ELP3: variants seen among roughly 807,000 people sequenced by gnomAD.
The protein encoded by ELP3 is elongator complex protein 3.
ELP3 carries 56 observed loss-of-function variants against 74.9 expected under a neutral mutation model. The ratio of observed to expected loss-of-function variants is 0.75; its 90% CI spans 0.60 to 0.93. The LOEUF is 0.93. Ranked by LOEUF, ELP3 falls within the 40% of genes least tolerant of loss-of-function variation. The pLI, the probability that ELP3 is intolerant of heterozygous loss-of-function variation, is 0.00. For missense variants in ELP3, 573 were observed against 686.5 expected, an observed-to-expected ratio of 0.83 and a Z score of 1.85; for synonymous variants, 222 against 239.8, an observed-to-expected ratio of 0.93 and a Z score of 0.68.
In ELP3 at chr8:28,162,484, C is replaced by T. The variant is rs117817978; in HGVS notation, c.1567+406C>T. On this transcript the variant is annotated intron_variant, in intron 14 of 14. Coordinates refer to ENST00000256398, the MANE Select transcript of ELP3 (RefSeq NM_018091.6). ...TAAAATAGAACCTCAGTTGCCAGTA[C>T]GAGCTGTTTAAAGGCCAAATTCTTG... is the stretch of plus-strand genomic sequence containing the variant. 5.9e-5 allele frequency among the ~76,000 whole-genome samples: 9 copies of T among 152,318 alleles called. No homozygotes were observed. In the East Asian group the frequency reaches 1.5e-3, roughly 26 times the overall value.
intron 5 of ELP3, among the ~76,000 whole-genome samples, chr8:28,108,233 G>A (rs1014122457): frequency 1.3e-5 from 2 of 152,064 alleles, no homozygotes; most frequent in African/African-American, 4.8e-5. Context: ...CTTTACAACT[G>A]TAAACCTTAT....
At chr8:28,094,018 AAAAT>A (rs1201224565) in intron 1 of ELP3, among the ~76,000 whole-genome samples, 1 of 152,244 alleles carries the variant, frequency 6.6e-6, no homozygotes, top group African/African-American at 2.4e-5. Context: ...CATAAAATGA[AAAAT>A]AAATACATCG....
In ELP3 at chr8:28,096,543, A is replaced by G. The variant is rs200185132; in HGVS notation, c.20-676A>G. On this transcript the variant is annotated intron_variant, in intron 1 of 14. Coordinates refer to ENST00000256398, the MANE Select transcript of ELP3 (RefSeq NM_018091.6). ...GCTCAGATTGGCCTGGCTTAGAGAT[A>G]TGCCCATCCTTGAACCAATCCTTGA... Among the ~76,000 whole-genome samples, 3 of 152,244 alleles carry G rather than the reference A, an allele frequency of 2.0e-5. No individual in the cohort carries two copies. The East Asian group carries it at 5.8e-4, about 29-fold the overall frequency.
chr8:28,168,210 A>T (rs1245696333), intron 14 of ELP3, among the ~76,000 whole-genome samples: 1 of 152,228 alleles, frequency 6.6e-6, no homozygotes, highest in East Asian at 1.9e-4. Flanking sequence ...AATATTATTG[A>T]ATAGGCCACT....
At chr8:28,178,036 C>T (rs1215864127) in intron 14 of ELP3, among the ~76,000 whole-genome samples, 1 of 152,156 alleles carries the variant, frequency 6.6e-6, no homozygotes, top group East Asian at 1.9e-4. Flanking sequence ...ATTATTTAAT[C>T]TTGCCTTCTT....
At chr8:28,123,184 G>A (rs1812440180) in intron 7 of ELP3, among the ~76,000 whole-genome samples, 3 of 152,194 alleles carry the variant, frequency 2.0e-5, no homozygotes, top group Admixed American at 6.5e-5. Flanking sequence ...CACTGCTTTA[G>A]CTGAATCCCA....
chr8:28,122,557 A>T (rs986949134), intron 7 of ELP3, among the ~76,000 whole-genome samples: 3 of 152,162 alleles, frequency 2.0e-5, no homozygotes, highest in African/African-American at 7.2e-5. Flanking sequence ...TGTCTGTTTC[A>T]TTCATTTTGT....
intron 9 of ELP3, among the ~76,000 whole-genome samples, chr8:28,133,143 G>A (rs978056895): frequency 6.6e-6 from 1 of 152,122 alleles, no homozygotes; most frequent in Admixed American, 6.5e-5. Context: ...CTGTTTGCTA[G>A]TTTGATCAAT....
intron 14 of ELP3, among the ~76,000 whole-genome samples, chr8:28,173,939 C>A (rs145518499): frequency 6.6e-5 from 10 of 152,006 alleles, no homozygotes; most frequent in Non-Finnish European, 1.2e-4. Context: ...AGTTTCATTT[C>A]TTTGTGATCA....
At chr8:28,107,761 T>C (rs1811754644) in intron 4 of ELP3, 152 bp from the exon 5 acceptor site, 7 of 596,320 alleles carry the variant, frequency 1.2e-5, no homozygotes, top group Non-Finnish European at 1.8e-5. Flanking sequence ...AAATACATTA[T>C]TTACAGATAC....
intron 12 of ELP3, among the ~76,000 whole-genome samples, chr8:28,159,248 CT>C (rs1813969915): frequency 6.6e-6 from 1 of 152,160 alleles, no homozygotes; most frequent in African/African-American, 2.4e-5. Flanking sequence ...GGATTTGATT[CT>C]CTTGTGGAAC....
chr8:28,150,503 GT>G (rs968917650), intron 10 of ELP3, among the ~76,000 whole-genome samples: 244 of 151,816 alleles, frequency 1.6e-3, no homozygotes, highest in African/African-American at 5.8e-3. Flanking sequence ...GGTGGCGGGT[GT>G]TTTTTTTCCT....
In ELP3 at chr8:28,137,772, G is replaced by A. The variant is rs1813047923; in HGVS notation, c.981G>A (p.Gly327=). 1.2e-6 allele frequency: 2 copies of A among 1,613,996 alleles called. No individual in the cohort carries two copies. The highest frequency in any genetic ancestry group is 1.7e-5 in the Admixed American group (1 of 60,002). Residue 327 remains glycine, a synonymous_variant, in exon 10 of 15, where the codon GGG becomes GGA. Coordinates refer to ENST00000256398, the MANE Select transcript of ELP3 (RefSeq NM_018091.6). ...CTACCCTGGTGATTCGTGGGACCGG[G>A]CTTTATGAGCTTTGGAAATCAGGAA... The part of the protein sequence containing the change: ...LYPTLVIRGT[G]LYELWKSGRY...
chr8:28,108,019 GC>G, intron 5 of ELP3, 43 bp downstream of exon 5: 1 of 1,526,948 alleles, frequency 6.5e-7, no homozygotes. Context: ...GTTGCATCAT[GC>G]TTTACCTGTA....
At position 28,147,227 on chromosome 8, in the gene ELP3, T is replaced by C. The variant is rs556954338; in HGVS notation, c.1101-8715T>C. ...TTAATGTCTTTTGAAAGTACCAGTT[T>C]GTTATTAAAAATATTTGTAGAGATC... is the stretch of plus-strand genomic sequence containing the variant. On this transcript the variant is annotated intron_variant, in intron 10 of 14. Coordinates refer to ENST00000256398, the MANE Select transcript of ELP3 (RefSeq NM_018091.6). This position sits in a 1 kb window ranked among gnomAD's most constrained non-coding sequence, Gnocchi z 4.5. 1.7e-4 allele frequency among the ~76,000 whole-genome samples: 26 copies of C among 152,296 alleles called. No homozygotes were observed. Among genetic ancestry groups the C allele is most frequent in the African/African-American group, 6.3e-4 (26 of 41,558 alleles).
At chr8:28,161,348 G>A (rs1167243727) in intron 13 of ELP3, among the ~76,000 whole-genome samples, 1 of 151,998 alleles carries the variant, frequency 6.6e-6, no homozygotes, top group Non-Finnish European at 1.5e-5. Flanking sequence ...CTGAGGCAGG[G>A]GGATCACCTG....
intron 14 of ELP3, among the ~76,000 whole-genome samples, chr8:28,165,784 A>G (rs1217797369): frequency 6.6e-6 from 1 of 152,226 alleles, no homozygotes; most frequent in African/African-American, 2.4e-5. Context: ...GAGTCACTAT[A>G]GAAAGACTCT....
At chr8:28,186,446 C>G (rs1251960171) in intron 14 of ELP3, among the ~76,000 whole-genome samples, 1 of 152,224 alleles carries the variant, frequency 6.6e-6, no homozygotes, top group East Asian at 1.9e-4. Flanking sequence ...TGCCTTCTCA[C>G]TCTTCATCAC....
intron 14 of ELP3, among the ~76,000 whole-genome samples, chr8:28,182,747 T>C (rs1815067539): frequency 6.6e-6 from 1 of 152,232 alleles, no homozygotes; most frequent in African/African-American, 2.4e-5. Flanking sequence ...GCCTGTGATT[T>C]TCCCCCTTTC....
Sources: allele counts gnomAD v4.1 joint callset (sites outside exome capture counted in the v4.1 genomes callset), GRCh38; gene constraint gnomAD v4.1.1; non-coding constraint Gnocchi (gnomAD v3.1); transcripts MANE v1.5; gene names NCBI Gene and HGNC (gene_info 2026-07-23, HGNC 2026-07-21).